Variants in CMIP observed in about 807,000 individuals in gnomAD.
The protein encoded by CMIP is C-Maf-inducing protein.
Under a neutral mutation model 97.3 loss-of-function variants are expected in CMIP, and 13 were observed. The ratio of observed to expected loss-of-function variants is 0.13; its 90% CI spans 0.09 to 0.21. The LOEUF is 0.21. Among genes scored for constraint, CMIP ranks in the 10% least tolerant of loss-of-function variants. CMIP has a pLI of 1.00. For missense variants in CMIP, 847 were observed against 1,024.9 expected (o/e 0.83, Z 2.37); for synonymous variants, 538 against 436.3 (o/e 1.23, Z -2.91).
chr16:81,446,457 G>T (rs560740218), intron 1 of CMIP, among the ~76,000 whole-genome samples: 6 of 152,148 alleles, frequency 3.9e-5, no homozygotes, highest in Admixed American at 3.3e-4. Flanking sequence ...GCGGGTAGGA[G>T]CCTGAACAGG....
Position 81,605,677 on chromosome 16 carries a change from T to TG in CMIP, c.301-1886dup, listed in dbSNP as rs373899356. Among the ~76,000 whole-genome samples the TG allele has an allele frequency of 3.7e-3, 568 of 152,350 alleles. 3 individuals carry two copies. The highest frequency in any genetic ancestry group is 0.013 in the African/African-American group (545 of 41,576). On this transcript the variant is annotated intron_variant, in intron 1 of 20. Coordinates refer to ENST00000537098, the MANE Select transcript of CMIP (RefSeq NM_198390.3). The stretch of plus-strand genomic sequence containing the variant: ...CACCTCTGAGCCTTTGCACTGGCCG[T>TG]GGGGTCTGTGACACTCTTTACTCCT...
chr16:81,508,642 G>A (rs2089754366), intron 1 of CMIP, among the ~76,000 whole-genome samples: 1 of 152,214 alleles, frequency 6.6e-6, no homozygotes, highest in African/African-American at 2.4e-5. Context: ...TGAGTCAAAG[G>A]TTATGCACCT....
intron 1 of CMIP, among the ~76,000 whole-genome samples, chr16:81,462,019 C>A: frequency 6.6e-6 from 1 of 152,218 alleles, no homozygotes; most frequent in East Asian, 1.9e-4. Flanking sequence ...TCTCGGAAAC[C>A]CATGGAACTG....
intron 20 of CMIP, among the ~76,000 whole-genome samples, 174 bp from the exon 21 acceptor site, chr16:81,709,572 C>T (rs1908532231): frequency 6.6e-6 from 1 of 152,244 alleles, no homozygotes; most frequent in African/African-American, 2.4e-5. Flanking sequence ...ATCCCACCTG[C>T]TCTGTTCTCT....
At position 81,605,747 on chromosome 16, in the gene CMIP, G is replaced by A. The variant is rs553181366; in HGVS notation, c.301-1820G>A. On this transcript the variant is annotated intron_variant, in intron 1 of 20. Transcript: ENST00000537098. ...GACACCCCATTGTGATTCTTTATGC[G>A]GCCCTTGCCACTCTCCAATAGTTTA... Among the ~76,000 whole-genome samples, 40 of 152,222 alleles carry A rather than the reference G, an allele frequency of 2.6e-4. No homozygotes were observed. The South Asian group carries it at 2.9e-3, about 11-fold the overall frequency.
intron 1 of CMIP, among the ~76,000 whole-genome samples, chr16:81,474,880 G>A (rs190858882): frequency 6.6e-5 from 10 of 152,344 alleles, no homozygotes; most frequent in South Asian, 6.2e-4. Flanking sequence ...GGAGGGAGTC[G>A]ACCAGTGCTT....
At chr16:81,524,657 C>G (rs1472254331) in intron 1 of CMIP, among the ~76,000 whole-genome samples, 2 of 152,238 alleles carry the variant, frequency 1.3e-5, no homozygotes, top group Non-Finnish European at 2.9e-5. Context: ...TGGCACAGCT[C>G]ATTAGTGGGT....
intron 1 of CMIP, among the ~76,000 whole-genome samples, chr16:81,498,899 A>G (rs568618806): frequency 6.6e-6 from 1 of 152,126 alleles, no homozygotes; most frequent in African/African-American, 2.4e-5. Flanking sequence ...CTGTGCGACC[A>G]CTCACCCACA....
intron 7 of CMIP, among the ~76,000 whole-genome samples, chr16:81,667,739 C>G (rs1288725812): frequency 7.3e-6 from 1 of 136,686 alleles, no homozygotes; most frequent in Non-Finnish European, 1.6e-5. Flanking sequence ...CATTTTCTAA[C>G]CCAGGAGGGA....
chr16:81,500,369 CT>C (rs1349095789), intron 1 of CMIP, among the ~76,000 whole-genome samples: 24 of 120,186 alleles, frequency 2.0e-4, no homozygotes, highest in African/African-American at 6.7e-4. Flanking sequence ...CTCCCTTCCT[CT>C]CTCCTTTCCT....
chr16:81,673,753 A>G (rs1374990892), intron 9 of CMIP, among the ~76,000 whole-genome samples: 1 of 152,102 alleles, frequency 6.6e-6, no homozygotes, highest in Non-Finnish European at 1.5e-5. Flanking sequence ...GTTTATGGGG[A>G]ACTTTCTGCA....
intron 1 of CMIP, among the ~76,000 whole-genome samples, chr16:81,597,596 G>A (rs74823499): frequency 2.3e-4 from 29 of 125,138 alleles, no homozygotes; most frequent in African/African-American, 1.0e-3. Context: ...AGGGGAGCGG[G>A]GGGGGGGGAG....
intron 1 of CMIP, among the ~76,000 whole-genome samples, chr16:81,473,266 G>T (rs911644557): frequency 6.6e-6 from 1 of 152,146 alleles, no homozygotes; most frequent in African/African-American, 2.4e-5. Context: ...TGTTTGCCGT[G>T]GGGGGCATAT....
At chr16:81,580,161 C>T (rs534487977) in intron 1 of CMIP, among the ~76,000 whole-genome samples, 23 of 152,296 alleles carry the variant, frequency 1.5e-4, no homozygotes, top group African/African-American at 5.1e-4. Flanking sequence ...CACCCTCCCT[C>T]AGCTCCCATT....
intron 1 of CMIP, among the ~76,000 whole-genome samples, chr16:81,586,788 A>C (rs1217750490): frequency 6.6e-6 from 1 of 151,968 alleles, no homozygotes; most frequent in Admixed American, 6.6e-5. Flanking sequence ...CTGACTCCCC[A>C]CTCAACTGTG....
At chr16:81,708,425 G>A (rs1908393586) in intron 20 of CMIP, among the ~76,000 whole-genome samples, 2 of 126,416 alleles carry the variant, frequency 1.6e-5, no homozygotes, top group Admixed American at 1.6e-4. Context: ...TCAAAGTGCT[G>A]AAAGTCAGAT....
intron 2 of CMIP, chr16:81,618,879 G>C (rs1295362326): frequency 2.0e-5 from 3 of 152,154 alleles, no homozygotes; most frequent in Non-Finnish European, 4.4e-5. Context: ...TCATTGTTTG[G>C]GATCTTCGCA....
At chr16:81,539,058 G>A (rs544791899) in intron 1 of CMIP, among the ~76,000 whole-genome samples, 3 of 152,202 alleles carry the variant, frequency 2.0e-5, no homozygotes, top group South Asian at 2.1e-4. Context: ...AGCACACACC[G>A]ATGGGCCGAT....
intron 11 of CMIP, 83 bp downstream of exon 11, chr16:81,691,923 T>G: frequency 8.2e-7 from 1 of 1,217,214 alleles, no homozygotes; most frequent in Admixed American, 1.8e-5. Flanking sequence ...GGGGGGCCAG[T>G]CATGTTATGG....
Sources: gnomAD v4.1 joint callset for allele counts (sites outside exome capture counted in the v4.1 genomes callset) on GRCh38, gnomAD v4.1.1 for gene constraint, MANE v1.5 for transcripts, NCBI Gene and HGNC (gene_info 2026-07-23, HGNC 2026-07-21) for gene names.